Variants in RNF10 observed in about 807,000 individuals in gnomAD.
The protein encoded by RNF10 is E3 ubiquitin-protein ligase RNF10.
In RNF10, 38 loss-of-function variants were observed where a neutral mutation model predicts 91.4. That is an observed-to-expected ratio of 0.42 (90% CI 0.32 to 0.54). The LOEUF is 0.54. Ranked by LOEUF, RNF10 falls within the 20% of genes least tolerant of loss-of-function variation. RNF10 has a pLI of 0.16. For synonymous variants in RNF10, 364 were observed against 366.3 expected (o/e 0.99, Z 0.07); for missense variants, 945 against 1,012.0 (o/e 0.93, Z 0.90).
chr12:120,569,296 C>T (rs942967539), intron 13 of RNF10, among the ~76,000 whole-genome samples: 4 of 151,982 alleles, frequency 2.6e-5, no homozygotes, highest in Middle Eastern at 3.4e-3. Context: ...TGGCCTCTGT[C>T]GGGCATTCTT....
intron 7 of RNF10, among the ~76,000 whole-genome samples, chr12:120,562,606 C>G (rs1449191534): frequency 6.6e-6 from 1 of 152,016 alleles, no homozygotes; most frequent in Non-Finnish European, 1.5e-5. Flanking sequence ...GATTTATATT[C>G]CTTTGGCTAT....
chr12:120,545,772 C>T (rs897375752), intron 1 of RNF10, among the ~76,000 whole-genome samples: 10 of 152,160 alleles, frequency 6.6e-5, no homozygotes, highest in Admixed American at 5.2e-4. Context: ...CTCCTGACCT[C>T]AGGTGATCCA....
intron 1 of RNF10, among the ~76,000 whole-genome samples, chr12:120,540,923 C>T (rs1052981872): frequency 1.5e-4 from 22 of 150,710 alleles, no homozygotes; most frequent in Non-Finnish European, 2.8e-4. Context: ...GGTGCAGTCT[C>T]GGCCTTGCCG....
At chr12:120,542,716 C>T (rs1361897273) in intron 1 of RNF10, among the ~76,000 whole-genome samples, 4 of 152,046 alleles carry the variant, frequency 2.6e-5, no homozygotes, top group African/African-American at 9.7e-5. Context: ...CCACACCTGG[C>T]TAATGTTTGT....
In RNF10 at chr12:120,567,053, A is replaced by G. The variant is rs1875849504; in HGVS notation, c.2041+73A>G. On this transcript the variant is annotated intron_variant, in intron 13 of 16. Coordinates refer to ENST00000325954, the MANE Select transcript of RNF10 (RefSeq NM_014868.5). Reference sequence around the variant, plus strand: ...CAAAGCTTTGGTGTCTGAGTTTACAACCCCGGCCCACTCAGCATGGTGTGG... The same window carrying G: ...CAAAGCTTTGGTGTCTGAGTTTACAGCCCCGGCCCACTCAGCATGGTGTGG... 4.9e-6 allele frequency: 7 copies of G among 1,436,902 alleles called. No individual in the cohort carries two copies. In the South Asian group the frequency reaches 6.5e-5, roughly 13 times the overall value. The allele number at this position is 1,436,902 out of a possible 1,614,324, so 89.0% of individuals were successfully genotyped here.
Position 120,554,756 on chromosome 12 carries a change from C to T in RNF10, c.593C>T (p.Ala198Val), listed in dbSNP as rs1051988720. Residue 198 changes from alanine to valine, a missense_variant, in exon 4 of 17, where the codon GCT becomes GTT. Ala to Val is a moderately conservative substitution (Grantham distance 64). Transcript: ENST00000325954. ...FVVSEDQDYT[A>V]HFADPDTLVN... ...GTGTCTGAAGACCAAGACTACACAG[C>T]TCATTTTGCTGATCCTGATACATTA... 3.7e-6 allele frequency: 6 copies of T among 1,614,004 alleles called. No individual in the cohort carries two copies. Among genetic ancestry groups the T allele is most frequent in the Admixed American group, 3.3e-5 (2 of 60,002 alleles).
chr12:120,564,492 A>T (rs1378162500), intron 10 of RNF10, among the ~76,000 whole-genome samples: 1 of 152,116 alleles, frequency 6.6e-6, no homozygotes, highest in African/African-American at 2.4e-5. Flanking sequence ...GGGTATGATG[A>T]TGTGCACCTG....
chr12:120,557,459 C>A lies in RNF10; in HGVS notation c.823C>A (p.Leu275Ile). 1 of 1,614,016 alleles carries A rather than the reference C, an allele frequency of 6.2e-7. No individual in the cohort carries two copies. The highest frequency in any genetic ancestry group is 8.5e-7 in the Non-Finnish European group (1 of 1,179,880). Residue 275 changes from leucine (L) to isoleucine (I), a missense_variant, in exon 5 of 17, where the codon CTC (leucine) becomes ATC (isoleucine). Coordinates refer to ENST00000325954, the MANE Select transcript of RNF10 (RefSeq NM_014868.5). The stretch of plus-strand genomic sequence containing the variant: ...TTACAGTTCTGTGCATAAGAAGGAT[C>A]TCAAGAGGTGAGATTGAGACATTTA... Reference protein sequence around the residue: ...ICYSSVHKKDLKSVVATESHQ... With the variant: ...ICYSSVHKKDIKSVVATESHQ...
chr12:120,542,372 G>T (rs867394636), intron 1 of RNF10, among the ~76,000 whole-genome samples: 1 of 151,206 alleles, frequency 6.6e-6, no homozygotes, highest in Non-Finnish European at 1.5e-5. Context: ...CAGGCTGGTC[G>T]CAAACTCGTG....
chr12:120,576,648 A>T lies in RNF10; in HGVS notation c.2418A>T (p.Ser806=). Residue 806 remains serine (S), a synonymous_variant, in exon 17 of 17, where the codon TCA becomes TCT. Coordinates refer to ENST00000325954, the MANE Select transcript of RNF10 (RefSeq NM_014868.5). The part of the protein sequence containing the change: ...KQKQKLLFST[S]VVHTK ...AACAGAAGCTCCTGTTCAGCACCTC[A>T]GTCGTCCACACCAAGTGACACTACT... The T allele has an allele frequency of 6.2e-7, 1 of 1,613,970 alleles. No homozygotes were observed. The highest frequency in any genetic ancestry group is 8.5e-7 in the Non-Finnish European group (1 of 1,179,930).
Position 120,577,277 on chromosome 12 carries a change from CTCT to C in RNF10, c.*616_*618del, listed in dbSNP as rs539302669. 1.6e-5 allele frequency: 7 copies of C among 425,336 alleles called. No individual in the cohort carries two copies. Among genetic ancestry groups the C allele is most frequent in the Non-Finnish European group, 2.8e-5 (6 of 216,434 alleles). The allele number at this position is 425,336 out of a possible 1,614,324, so 26.3% of individuals were successfully genotyped here. On this transcript the variant is annotated 3_prime_UTR_variant, in exon 17 of 17. Transcript: ENST00000325954. ...TGCATGTGTGAAAGGAGGGTTTTGC[CTCT>C]TCTTGAGCATGGCTTGAGTTGGTAA...
At chr12:120,576,253 A>C (rs926999769) in intron 16 of RNF10, among the ~76,000 whole-genome samples, 1 of 152,220 alleles carries the variant, frequency 6.6e-6, no homozygotes, top group Admixed American at 6.5e-5. Flanking sequence ...TTAGATGGAG[A>C]AGTCAGTCTC....
chr12:120,574,444 G>T (rs1256739716), intron 14 of RNF10: 1 of 456,064 alleles, frequency 2.2e-6, no homozygotes. Flanking sequence ...CATGAGGATT[G>T]TTCTGATTTT....
intron 2 of RNF10, among the ~76,000 whole-genome samples, chr12:120,552,083 CAAAAAAA>C (rs563764429): frequency 1.2e-4 from 10 of 86,476 alleles, no homozygotes; most frequent in African/African-American, 5.1e-4. Context: ...GACTCTGTCT[CAAAAAAA>C]AAAAAAAAAA....
intron 1 of RNF10, among the ~76,000 whole-genome samples, chr12:120,539,154 A>G (rs940253127): frequency 2.6e-5 from 4 of 152,184 alleles, no homozygotes; most frequent in Admixed American, 2.0e-4. Flanking sequence ...CTTAATCCTC[A>G]TGATTCTATG....
intron 1 of RNF10, among the ~76,000 whole-genome samples, chr12:120,535,176 T>C (rs770673532): frequency 1.3e-5 from 2 of 152,224 alleles, no homozygotes; most frequent in Non-Finnish European, 2.9e-5. Context: ...TACTCAAAAC[T>C]GCTCGATTAA....
Position 120,557,345 on chromosome 12 carries a change from A to C in RNF10, c.709A>C (p.Ile237Leu), listed in dbSNP as rs1376624353. The change falls in exon 5 of 17, where the codon ATA becomes CTA. Residue 237 changes from isoleucine to leucine, a missense_variant. Transcript: ENST00000325954. Reference sequence around the variant, plus strand: ...CCTCTATCCACCTACTGCAGCCAAGATAACCCGTTGTGGACACATCTTCTG... The same window carrying C: ...CCTCTATCCACCTACTGCAGCCAAGCTAACCCGTTGTGGACACATCTTCTG... ...ICLYPPTAAK[I>L]TRCGHIFCWA... 6.2e-7 allele frequency: 1 copy of C among 1,614,084 alleles called. No individual in the cohort carries two copies. The highest frequency in any genetic ancestry group is 8.5e-7 in the Non-Finnish European group (1 of 1,180,038).
chr12:120,567,347 A>G (rs1471453577), intron 13 of RNF10, among the ~76,000 whole-genome samples: 1 of 151,616 alleles, frequency 6.6e-6, no homozygotes, highest in Non-Finnish European at 1.5e-5. Flanking sequence ...AAAAAAAAAA[A>G]CAGTTTAGAA....
intron 6 of RNF10, among the ~76,000 whole-genome samples, chr12:120,559,056 T>C (rs1593088702): frequency 1.8e-5 from 1 of 54,890 alleles, no homozygotes; most frequent in Non-Finnish European, 4.6e-5. Flanking sequence ...TAACTTTTAA[T>C]TTTAAATTAT....
Sources: gnomAD v4.1 joint callset for allele counts (sites outside exome capture counted in the v4.1 genomes callset) on GRCh38, gnomAD v4.1.1 for gene constraint, MANE v1.5 for transcripts, NCBI Gene and HGNC (gene_info 2026-07-23, HGNC 2026-07-21) for gene names.